PARVA: variants seen among roughly 807,000 people sequenced by gnomAD.
The protein encoded by PARVA is alpha-parvin.
PARVA carries 25 observed loss-of-function variants against 52.6 expected under a neutral mutation model. The observed-to-expected ratio is 0.48, with a 90% CI of 0.35 to 0.66. The LOEUF is 0.66. Among genes scored for constraint, PARVA ranks in the 30% least tolerant of loss-of-function variants. The pLI, the probability that PARVA is intolerant of heterozygous loss-of-function variation, is 0.01. For missense variants in PARVA, 373 were observed against 450.9 expected, an observed-to-expected ratio of 0.83 and a Z score of 1.56; for synonymous variants, 185 against 179.1, an observed-to-expected ratio of 1.03 and a Z score of -0.26.
At chr11:12,433,896 G>A (rs1940350668) in intron 1 of PARVA, among the ~76,000 whole-genome samples, 1 of 152,188 alleles carries the variant, frequency 6.6e-6, no homozygotes, top group East Asian at 1.9e-4. Flanking sequence ...GGAATAAAGT[G>A]TGGAAAATTG....
rs1298779184 is a variant in PARVA, at chr11:12,397,635, C to T, written c.136+19852C>T. Among the ~76,000 whole-genome samples the T allele has an allele frequency of 7.9e-5, 12 of 152,038 alleles. No individual in the cohort carries two copies. In the East Asian group the frequency reaches 9.6e-4, roughly 12 times the overall value. The stretch of plus-strand genomic sequence containing the variant: ...GAGAGGGTGGAAACTAAAAGTTATC[C>T]GGATCTCTAATCTTATTGGAAATAC... On this transcript the variant is annotated intron_variant, in intron 1 of 12. Coordinates refer to ENST00000334956, the MANE Select transcript of PARVA (RefSeq NM_018222.5).
At chr11:12,512,979 A>G (rs908376142) in intron 8 of PARVA, among the ~76,000 whole-genome samples, 5 of 152,226 alleles carry the variant, frequency 3.3e-5, no homozygotes, top group Admixed American at 3.3e-4. Context: ...CACCTGAACA[A>G]TAGCTACGTT....
intron 3 of PARVA, 107 bp from the exon 4 acceptor site, chr11:12,477,740 A>T (rs1260358152): frequency 4.4e-6 from 3 of 681,150 alleles, no homozygotes; most frequent in Non-Finnish European, 7.8e-6. Flanking sequence ...CTTAAAATCT[A>T]AAGTTAATTT....
intron 3 of PARVA, among the ~76,000 whole-genome samples, 155 bp downstream of exon 3, chr11:12,474,138 A>G (rs1328521387): frequency 2.0e-5 from 3 of 152,118 alleles, no homozygotes; most frequent in Non-Finnish European, 2.9e-5. Context: ...GCAGATGGCC[A>G]TCGAAAACGT....
chr11:12,518,662 G>T, intron 12 of PARVA, 145 bp downstream of exon 12: 1 of 674,994 alleles, frequency 1.5e-6, no homozygotes, highest in Non-Finnish European at 2.7e-6. Context: ...CTCAGTCCCA[G>T]AGACCCTTTG....
intron 3 of PARVA, among the ~76,000 whole-genome samples, chr11:12,476,371 G>A (rs1169863703): frequency 1.3e-5 from 2 of 152,060 alleles, no homozygotes; most frequent in African/African-American, 2.4e-5. Context: ...GCATGTACCT[G>A]TAATGCCAGC....
At chr11:12,506,184 T>G (rs1324444930) in intron 6 of PARVA, among the ~76,000 whole-genome samples, 2 of 152,222 alleles carry the variant, frequency 1.3e-5, no homozygotes. Context: ...TAGTCTGTTT[T>G]TTTTTAATCA....
At chr11:12,378,017 G>A (rs1939428439) in intron 1 of PARVA, among the ~76,000 whole-genome samples, 1 of 149,002 alleles carries the variant, frequency 6.7e-6, no homozygotes, top group South Asian at 2.1e-4. Flanking sequence ...CGGTCGCCCG[G>A]GCGCTGCCCT....
At chr11:12,527,091 C>G (rs1941712830) in intron 12 of PARVA, among the ~76,000 whole-genome samples, 1 of 152,248 alleles carries the variant, frequency 6.6e-6, no homozygotes, top group African/African-American at 2.4e-5. Context: ...CCCAACCTCT[C>G]TAGCCATGCT....
intron 10 of PARVA, among the ~76,000 whole-genome samples, chr11:12,516,382 GC>G (rs1437162087): frequency 6.6e-6 from 1 of 152,166 alleles, no homozygotes; most frequent in Non-Finnish European, 1.5e-5. Flanking sequence ...CTATGTCTTT[GC>G]TAGGCCATCC....
rs1177740767 is a variant in PARVA at position 12,534,503 on chromosome 11, C to A, written c.*6578C>A. Among the ~76,000 whole-genome samples the A allele has an allele frequency of 6.6e-6, 1 of 152,140 alleles. No homozygotes were observed. The highest frequency in any genetic ancestry group is 6.5e-5 in the Admixed American group (1 of 15,268). On this transcript the variant is annotated 3_prime_UTR_variant, in exon 13 of 13. Coordinates refer to ENST00000334956, the MANE Select transcript of PARVA (RefSeq NM_018222.5). ...GGCACTTGGGAAATTCAGAGAAGTA[C>A]CCATTATTAAGATAAATGATGTTTT...
At chr11:12,481,557 G>A (rs1490958265) in intron 4 of PARVA, among the ~76,000 whole-genome samples, 1 of 151,980 alleles carries the variant, frequency 6.6e-6, no homozygotes, top group African/African-American at 2.4e-5. Context: ...TTTTATTAGA[G>A]AATGGAATTT....
At chr11:12,524,258 A>G (rs1941674414) in intron 12 of PARVA, among the ~76,000 whole-genome samples, 1 of 152,226 alleles carries the variant, frequency 6.6e-6, no homozygotes, top group African/African-American at 2.4e-5. Flanking sequence ...GGTGTTTTTC[A>G]TAAAGGTATT....
intron 7 of PARVA, among the ~76,000 whole-genome samples, chr11:12,510,684 GGAA>G (rs886118465): frequency 5.3e-5 from 8 of 152,154 alleles, no homozygotes; most frequent in Non-Finnish European, 1.0e-4. Flanking sequence ...GAGAAAATGA[GGAA>G]GAAGCAAAAG....
chr11:12,494,523 G>C (rs549144937), intron 4 of PARVA, among the ~76,000 whole-genome samples: 28 of 152,144 alleles, frequency 1.8e-4, no homozygotes, highest in Admixed American at 1.6e-3. Flanking sequence ...CAGGAACTGG[G>C]GACAAAACCC....
intron 1 of PARVA, among the ~76,000 whole-genome samples, chr11:12,393,044 G>GAAAAAAAAAAAAAA (rs60966710): frequency 4.3e-5 from 2 of 46,126 alleles, no homozygotes; most frequent in African/African-American, 5.9e-5. Context: ...CCCAAATTGT[G>GAAAAAAAAAAAAAA]AAAAAAAAAA....
In PARVA at chr11:12,377,597, C is replaced by T. The variant is rs1203959555; in HGVS notation, c.-51C>T. On this transcript the variant is annotated 5_prime_UTR_variant, in exon 1 of 13. Coordinates refer to ENST00000334956, the MANE Select transcript of PARVA (RefSeq NM_018222.5). ...GTCCCGCCGCCGCCCGCTGCGTCCG[C>T]CCAGCGCCAGCTCCGCGTCCCGACC... 4.0e-6 allele frequency: 6 copies of T among 1,518,680 alleles called. No homozygotes were observed. Among genetic ancestry groups the T allele is most frequent in the Middle Eastern group, 1.7e-4 (1 of 5,902 alleles). 94.1% of individuals were successfully genotyped at this position (1,518,680 alleles called of 1,614,324 possible). A position where few individuals can be genotyped will look rare whatever the true frequency, so the allele number is the denominator to read the frequency against.
chr11:12,442,475 G>A (rs1446295597), intron 1 of PARVA, among the ~76,000 whole-genome samples: 1 of 152,228 alleles, frequency 6.6e-6, no homozygotes, highest in Non-Finnish European at 1.5e-5. Context: ...GGTATTGAGA[G>A]TGCAGCAAAA....
chr11:12,477,658 A>G (rs376074427), intron 3 of PARVA, among the ~76,000 whole-genome samples, 189 bp from the exon 4 acceptor site: 11 of 152,318 alleles, frequency 7.2e-5, no homozygotes, highest in South Asian at 4.1e-4. Context: ...TGAGGCAGGA[A>G]GATCACTTGA....
Sources: allele counts gnomAD v4.1 joint callset (sites outside exome capture counted in the v4.1 genomes callset), GRCh38; gene constraint gnomAD v4.1.1; transcripts MANE v1.5; gene names NCBI Gene and HGNC (gene_info 2026-07-23, HGNC 2026-07-21).